The following TMIGD3 variants were observed in gnomAD, a reference collection of about 807,000 sequenced individuals.
TMIGD3 encodes the protein transmembrane and immunoglobulin domain containing 3.
In TMIGD3, 21 loss-of-function variants were observed where a neutral mutation model predicts 28.1. The observed-to-expected ratio is 0.75, with a 90% CI of 0.53 to 1.08. The LOEUF (loss-of-function observed/expected upper bound fraction) is 1.08. TMIGD3 is among the 50% of genes least tolerant of loss of function. The probability of loss-of-function intolerance (pLI) is 0.00; values close to 1 mark genes in which losing one functional copy is unlikely to be tolerated. For synonymous variants in TMIGD3, 151 were observed against 162.1 expected (o/e 0.93, Z 0.52); for missense variants, 416 against 435.6 (o/e 0.96, Z 0.40).
At chr1:111,511,402 A>G (rs1410272619) in intron 1 of TMIGD3, among the ~76,000 whole-genome samples, 1 of 152,316 alleles carries the variant, frequency 6.6e-6, no homozygotes, top group East Asian at 1.9e-4. Context: ...CCTTCCCTGT[A>G]AGAATGCTGG....
intron 1 of TMIGD3, among the ~76,000 whole-genome samples, chr1:111,530,855 T>C (rs1656436191): frequency 6.6e-6 from 1 of 152,256 alleles, no homozygotes. Context: ...CTTGGATATT[T>C]GACTTTACAG....
intron 1 of TMIGD3, among the ~76,000 whole-genome samples, chr1:111,520,571 G>A (rs139110836): frequency 5.0e-4 from 76 of 152,328 alleles, no homozygotes; most frequent in African/African-American, 1.7e-3. Context: ...AGAGGTGCTT[G>A]TCAATGTAAC....
intron 1 of TMIGD3, among the ~76,000 whole-genome samples, chr1:111,529,976 G>A (rs1423416288): frequency 1.7e-4 from 18 of 106,398 alleles, no homozygotes; most frequent in African/African-American, 6.6e-4. Context: ...CCTCCCGGAT[G>A]GGGCGGCTGG....
chr1:111,483,467 T>C lies in TMIGD3; in HGVS notation c.*220A>G. The C allele has an allele frequency of 1.9e-6, 1 of 527,232 alleles. No individual in the cohort carries two copies. Among genetic ancestry groups the C allele is most frequent in the South Asian group, 2.2e-5 (1 of 45,774 alleles). The allele number at this position is 527,232 out of a possible 1,614,324, so 32.7% of individuals were successfully genotyped here. On this transcript the variant is annotated 3_prime_UTR_variant, in exon 6 of 6. Coordinates refer to ENST00000369716, the MANE Select transcript of TMIGD3 (RefSeq NM_020683.7). ...CTGATGGAATGCATAAGAACTAAGATCTTGAGATGTTATTTGAGGGCAGCC... is the reference window on the plus strand; with the variant it reads ...CTGATGGAATGCATAAGAACTAAGACCTTGAGATGTTATTTGAGGGCAGCC...
intron 1 of TMIGD3, among the ~76,000 whole-genome samples, chr1:111,556,763 A>G (rs527589142): frequency 6.6e-6 from 1 of 152,236 alleles, no homozygotes; most frequent in East Asian, 1.9e-4. Flanking sequence ...TTAGTGTTTA[A>G]TGGGTATAAA....
intron 3 of TMIGD3, among the ~76,000 whole-genome samples, 164 bp from the exon 4 acceptor site, chr1:111,486,816 G>C (rs1557814542): frequency 6.6e-6 from 1 of 152,212 alleles, no homozygotes; most frequent in East Asian, 1.9e-4. Context: ...AATGTGCCCT[G>C]CACAGGGAAC....
At chr1:111,486,052 C>A (rs1222734324) in intron 4 of TMIGD3, among the ~76,000 whole-genome samples, 1 of 152,164 alleles carries the variant, frequency 6.6e-6, no homozygotes, top group Non-Finnish European at 1.5e-5. Context: ...GGCCAATGAA[C>A]CCCTTCCTCA....
At position 111,486,568 on chromosome 1, in the gene TMIGD3, G is replaced by T. The variant is rs371005044; in HGVS notation, c.872+18C>A. ...CCCACCGCCCCAAGCCCATTCATCC[G>T]CCAAGACTATGACTCACCTGGAGCG... On this transcript the variant is annotated intron_variant, in intron 4 of 5. Transcript: ENST00000369716. 3.1e-5 allele frequency: 49 copies of T among 1,580,474 alleles called. No homozygotes were observed. Among genetic ancestry groups the T allele is most frequent in the Non-Finnish European group, 4.2e-5 (48 of 1,153,854 alleles).
intron 1 of TMIGD3, among the ~76,000 whole-genome samples, chr1:111,493,075 A>G (rs1235229270): frequency 6.6e-6 from 1 of 152,214 alleles, no homozygotes; most frequent in African/African-American, 2.4e-5. Flanking sequence ...CAAGATAGTC[A>G]GGCAGGGTAA....
At chr1:111,498,270 T>C (rs1037378121) in intron 1 of TMIGD3, among the ~76,000 whole-genome samples, 2 of 152,228 alleles carry the variant, frequency 1.3e-5, no homozygotes, top group African/African-American at 2.4e-5. Context: ...GAAATCTCCA[T>C]CTTGTTGCTC....
At chr1:111,508,737 A>G (rs1415253584) in intron 1 of TMIGD3, among the ~76,000 whole-genome samples, 3 of 152,214 alleles carry the variant, frequency 2.0e-5, no homozygotes, top group African/African-American at 7.2e-5. Context: ...AATCAACTTT[A>G]CTGAATTAAC....
intron 1 of TMIGD3, among the ~76,000 whole-genome samples, chr1:111,514,634 C>G (rs1293984225): frequency 1.1e-5 from 1 of 94,154 alleles, no homozygotes; most frequent in Admixed American, 1.4e-4. Context: ...AGTGTGCATA[C>G]AGTATGGGAA....
At chr1:111,525,738 C>A (rs1245603649) in intron 1 of TMIGD3, among the ~76,000 whole-genome samples, 1 of 152,092 alleles carries the variant, frequency 6.6e-6, no homozygotes, top group African/African-American at 2.4e-5. Context: ...GTGGTGCATG[C>A]CTGTAGTCCC....
At chr1:111,547,253 T>C (rs1657065756) in intron 1 of TMIGD3, among the ~76,000 whole-genome samples, 1 of 152,122 alleles carries the variant, frequency 6.6e-6, no homozygotes, top group Non-Finnish European at 1.5e-5. Context: ...CTTTATGAGA[T>C]TGAAGAATTT....
chr1:111,529,266 C>T (rs1461715536), intron 1 of TMIGD3, among the ~76,000 whole-genome samples: 1 of 152,020 alleles, frequency 6.6e-6, no homozygotes, highest in Non-Finnish European at 1.5e-5. Flanking sequence ...GAAGGGGAAG[C>T]TTGCCCAAGC....
At chr1:111,507,006 CATAT>C (rs1370849717), upstream of TMIGD3, among the ~76,000 whole-genome samples, 893 of 119,840 alleles carry the variant, frequency 7.5e-3, 5 homozygotes, top group African/African-American at 0.022. Context: ...TATACACACA[CATAT>C]GTGTGTGTGT....
At chr1:111,504,230 C>T (rs552632423), upstream of TMIGD3, 2 of 717,228 alleles carry the variant, frequency 2.8e-6, no homozygotes, top group Non-Finnish European at 3.4e-6. Context: ...TCAGCTCACA[C>T]CCTAGCAAAA....
At chr1:111,563,765 T>C in intron 1 of TMIGD3, 1 of 1,008,166 alleles carries the variant, frequency 9.9e-7, no homozygotes, top group South Asian at 1.4e-5. Context: ...ATATCATGAA[T>C]AAATGTTCCA....
At chr1:111,542,789 C>T (rs1571451032) in intron 1 of TMIGD3, among the ~76,000 whole-genome samples, 1 of 152,054 alleles carries the variant, frequency 6.6e-6, no homozygotes, top group Admixed American at 6.5e-5. Context: ...CTCCGCCTCC[C>T]GGGTTCAAGT....
Sources: gnomAD v4.1 joint callset for allele counts (sites outside exome capture counted in the v4.1 genomes callset) on GRCh38, gnomAD v4.1.1 for gene constraint, MANE v1.5 for transcripts, NCBI Gene and HGNC (gene_info 2026-07-23, HGNC 2026-07-21) for gene names.